Variants in GABRG3 observed in about 807,000 individuals in gnomAD.
GABRG3 encodes the protein gamma-aminobutyric acid type A receptor subunit gamma3.
GABRG3 carries 25 observed loss-of-function variants against 48.8 expected under a neutral mutation model. The ratio of observed to expected loss-of-function variants is 0.51; its 90% CI spans 0.37 to 0.72. The LOEUF (loss-of-function observed/expected upper bound fraction) is 0.72, where lower values mean the gene tolerates loss of function less well. GABRG3 is among the 30% of genes least tolerant of loss of function. GABRG3 has a pLI of 0.00. For missense variants in GABRG3, 394 were observed against 577.9 expected, an observed-to-expected ratio of 0.68 and a Z score of 3.26; for synonymous variants, 227 against 217.6, an observed-to-expected ratio of 1.04 and a Z score of -0.38.
chr15:27,156,020 C>T (rs1484484449), intron 3 of GABRG3, among the ~76,000 whole-genome samples: 3 of 152,018 alleles, frequency 2.0e-5, no homozygotes, highest in Non-Finnish European at 4.4e-5. Context: ...TCTGTCGTGG[C>T]CAGGCACAGT....
chr15:27,459,760 C>CA (rs1566850370), intron 5 of GABRG3, among the ~76,000 whole-genome samples: 7 of 152,034 alleles, frequency 4.6e-5, no homozygotes, highest in South Asian at 2.1e-4. Flanking sequence ...GCACACACAC[C>CA]CACACTTCCT....
chr15:27,039,841 A>T (rs1896243950), intron 3 of GABRG3, among the ~76,000 whole-genome samples: 1 of 152,140 alleles, frequency 6.6e-6, no homozygotes, highest in African/African-American at 2.4e-5. Context: ...GGTTGCGTTG[A>T]TGTTCCATCC....
At chr15:27,079,102 A>T (rs998465895) in intron 3 of GABRG3, among the ~76,000 whole-genome samples, 4 of 152,106 alleles carry the variant, frequency 2.6e-5, no homozygotes, top group African/African-American at 9.7e-5. Flanking sequence ...TTTCCCCCAG[A>T]CCCTGCAGAG....
chr15:27,231,009 ATGTGTGTG>A lies in GABRG3; in HGVS notation c.271-95767_271-95760del, dbSNP rs3068361. On this transcript the variant is annotated intron_variant, in intron 3 of 9. Coordinates refer to ENST00000615808, the MANE Select transcript of GABRG3 (RefSeq NM_033223.5). ...GTTGAGCCAAGTTTAAAACAGTAAA[ATGTGTGTG>A]TGTGTGTGTGTGTGTGTGTGTGTGT... Among the ~76,000 whole-genome samples, 665 of 143,506 alleles carry A rather than the reference ATGTGTGTG, an allele frequency of 4.6e-3. 4 individuals are homozygous for A. Among genetic ancestry groups the A allele is most frequent in the Admixed American group, 0.013 (183 of 14,146 alleles). The allele number at this position is 143,506 out of a possible 152,430, so 94.1% of individuals were successfully genotyped here.
chr15:27,502,677 T>C (rs946907858), intron 6 of GABRG3, among the ~76,000 whole-genome samples: 25 of 152,376 alleles, frequency 1.6e-4, no homozygotes, highest in African/African-American at 6.0e-4. Flanking sequence ...GGGCTTCAAG[T>C]TGGGGTTCTC....
In GABRG3 at chr15:27,441,459, AC is replaced by A. The variant is rs1446385220; in HGVS notation, c.575-39189del. ...ACATGAAGAGCAGCCCTGGAAAGAT[AC>A]CTGTGTCCCTGAATCTCCCACTGCA... On this transcript the variant is annotated intron_variant, in intron 5 of 9. Transcript: ENST00000615808. Among the ~76,000 whole-genome samples the A allele has an allele frequency of 3.3e-5, 5 of 152,324 alleles. No homozygotes were observed. In the East Asian group the frequency reaches 9.7e-4, roughly 29 times the overall value.
intron 3 of GABRG3, among the ~76,000 whole-genome samples, chr15:27,269,538 A>G (rs1054506033): frequency 1.3e-5 from 2 of 152,158 alleles, no homozygotes; most frequent in African/African-American, 2.4e-5. Flanking sequence ...TTGTGTTTGC[A>G]CTGCATTTTC....
chr15:27,049,315 C>T (rs540752146), intron 3 of GABRG3, among the ~76,000 whole-genome samples: 5 of 152,354 alleles, frequency 3.3e-5, no homozygotes, highest in South Asian at 4.1e-4. Context: ...AGACTACAGT[C>T]GCACAAATCA....
At chr15:27,114,871 C>T (rs568639407) in intron 3 of GABRG3, among the ~76,000 whole-genome samples, 2 of 151,860 alleles carry the variant, frequency 1.3e-5, no homozygotes, top group African/African-American at 2.4e-5. Context: ...TGGAAATATA[C>T]CATCACATGG....
chr15:27,486,240 C>T (rs1890216977), intron 6 of GABRG3, among the ~76,000 whole-genome samples: 1 of 152,110 alleles, frequency 6.6e-6, no homozygotes, highest in Non-Finnish European at 1.5e-5. Context: ...CCTGGGGCTC[C>T]AGATTAATTG....
chr15:27,447,507 T>C lies in GABRG3; in HGVS notation c.575-33143T>C, dbSNP rs568544531. Among the ~76,000 whole-genome samples, 1 of 152,294 alleles carries C rather than the reference T, an allele frequency of 6.6e-6. No individual in the cohort carries two copies. Among genetic ancestry groups the C allele is most frequent in the African/African-American group, 2.4e-5 (1 of 41,564 alleles). On this transcript the variant is annotated intron_variant, in intron 5 of 9. Coordinates refer to ENST00000615808, the MANE Select transcript of GABRG3 (RefSeq NM_033223.5). This position sits in a 1 kb window ranked among gnomAD's most constrained non-coding sequence, Gnocchi z 4.0. Reference sequence around the variant, plus strand: ...TAATTATAGTGAGAAATTAGAAGACTGCTATTGTCCAGAATAGAGTTAGGG... The same window carrying C: ...TAATTATAGTGAGAAATTAGAAGACCGCTATTGTCCAGAATAGAGTTAGGG...
intron 5 of GABRG3, among the ~76,000 whole-genome samples, chr15:27,406,127 A>C (rs1887625900): frequency 6.6e-6 from 1 of 152,188 alleles, no homozygotes; most frequent in Non-Finnish European, 1.5e-5. Flanking sequence ...CTCCATCTCA[A>C]AAAAATTGAT....
intron 3 of GABRG3, among the ~76,000 whole-genome samples, chr15:27,158,729 ATATT>A (rs1457109707): frequency 2.0e-5 from 3 of 152,238 alleles, no homozygotes; most frequent in African/African-American, 4.8e-5. Context: ...TTATTGTCAA[ATATT>A]AAAAAAGGAA....
chr15:27,403,515 A>C (rs1289225002), intron 5 of GABRG3, among the ~76,000 whole-genome samples: 1 of 152,198 alleles, frequency 6.6e-6, no homozygotes, highest in Non-Finnish European at 1.5e-5. Context: ...AAGCACCTAG[A>C]GACAAAACAC....
intron 3 of GABRG3, among the ~76,000 whole-genome samples, chr15:27,324,342 T>G (rs1453967150): frequency 6.6e-6 from 1 of 152,076 alleles, no homozygotes; most frequent in Non-Finnish European, 1.5e-5. Flanking sequence ...GTGTATGTAC[T>G]AAGGTGGAAA....
At position 26,974,627 on chromosome 15, in the gene GABRG3, G is replaced by A. The variant is rs1356678986; in HGVS notation, c.54-2375G>A. On this transcript the variant is annotated intron_variant, in intron 1 of 9. Transcript: ENST00000615808. This position sits in a 1 kb window ranked among gnomAD's most constrained non-coding sequence, Gnocchi z 4.3. ...TGGGCTGAGTCGCCAAGTGTCCTGA[G>A]CATGTTGTGCCTGATTCTGCTGAGA... is the stretch of plus-strand genomic sequence containing the variant. Among the ~76,000 whole-genome samples, 2 of 151,888 alleles carry A rather than the reference G, an allele frequency of 1.3e-5. No homozygotes were observed. The highest frequency in any genetic ancestry group is 1.5e-5 in the Non-Finnish European group (1 of 67,992).
At chr15:27,330,412 G>A (rs1036801982) in intron 5 of GABRG3, among the ~76,000 whole-genome samples, 3 of 152,172 alleles carry the variant, frequency 2.0e-5, no homozygotes, top group East Asian at 3.9e-4. Context: ...TCTGCTCCTC[G>A]CAAGTGTGCG....
chr15:27,378,134 A>T lies in GABRG3; in HGVS notation c.574+49246A>T. Among the ~76,000 whole-genome samples, 2 of 152,142 alleles carry T rather than the reference A, an allele frequency of 1.3e-5. 1 individual carries two copies. The highest frequency in any genetic ancestry group is 2.9e-5 in the Non-Finnish European group (2 of 68,022). On this transcript the variant is annotated intron_variant, in intron 5 of 9. Coordinates refer to ENST00000615808, the MANE Select transcript of GABRG3 (RefSeq NM_033223.5). ...AAGAAAAAAAAAAACATTTTAGCTG[A>T]TGTCATGATTTATCAGCATAGGCTC...
At chr15:27,055,263 G>A (rs547569989) in intron 3 of GABRG3, among the ~76,000 whole-genome samples, 23 of 152,166 alleles carry the variant, frequency 1.5e-4, no homozygotes, top group East Asian at 7.7e-4. Flanking sequence ...CTTTCACCCC[G>A]TAACATCTTA....
Sources: allele counts gnomAD v4.1 joint callset (sites outside exome capture counted in the v4.1 genomes callset), GRCh38; gene constraint gnomAD v4.1.1; non-coding constraint Gnocchi (gnomAD v3.1); transcripts MANE v1.5; gene names NCBI Gene and HGNC (gene_info 2026-07-23, HGNC 2026-07-21).